The following GMPR variants were observed in gnomAD, a reference collection of about 807,000 sequenced individuals.
GMPR encodes the protein guanosine monophosphate reductase.
In GMPR, 31 loss-of-function variants were observed where a neutral mutation model predicts 38.4. The observed-to-expected ratio is 0.81, with a 90% CI of 0.61 to 1.09. The LOEUF (loss-of-function observed/expected upper bound fraction) is 1.09. Ranked by LOEUF, GMPR falls within the 50% of genes least tolerant of loss-of-function variation. GMPR has a pLI of 0.00. For synonymous variants in GMPR, 162 were observed against 173.3 expected, an observed-to-expected ratio of 0.93 and a Z score of 0.51; for missense variants, 468 against 453.7, an observed-to-expected ratio of 1.03 and a Z score of -0.29.
intron 6 of GMPR, among the ~76,000 whole-genome samples, chr6:16,285,017 CAAAAAAAAAAAAAAACAA>C (rs1759649008): frequency 2.8e-5 from 1 of 35,102 alleles, no homozygotes; most frequent in Non-Finnish European, 5.7e-5. Context: ...GAGACTGTCT[CAAAAAAAAAAAAAAACAA>C]AAAAAAAAAA....
intron 2 of GMPR, among the ~76,000 whole-genome samples, chr6:16,250,017 T>G (rs778097752): frequency 7.9e-5 from 12 of 152,238 alleles, no homozygotes; most frequent in Non-Finnish European, 1.6e-4. Flanking sequence ...GAGAATTCTC[T>G]TTTATCCCTC....
intron 6 of GMPR, 60 bp downstream of exon 6, chr6:16,278,950 C>A: frequency 2.0e-6 from 2 of 1,011,842 alleles, no homozygotes; most frequent in Non-Finnish European, 3.0e-6. Flanking sequence ...TCCCTCGCTG[C>A]TCTTCTTTCA....
chr6:16,251,147 A>C (rs540013318), intron 3 of GMPR, among the ~76,000 whole-genome samples: 3 of 152,254 alleles, frequency 2.0e-5, no homozygotes, highest in Non-Finnish European at 4.4e-5. Flanking sequence ...CCAAATGTCT[A>C]TCAGTGGGTG....
Position 16,293,590 on chromosome 6 carries a change from G to T in GMPR, c.858-1416G>T, listed in dbSNP as rs1320097170. On this transcript the variant is annotated intron_variant, in intron 8 of 8. Transcript: ENST00000259727. ...AGGCAGGTGGATCACCTAAGGCCAG[G>T]AGTTCGAGACCAGCCTGGCCAACAT... 2.0e-5 allele frequency among the ~76,000 whole-genome samples: 3 copies of T among 152,340 alleles called. No homozygotes were observed. The South Asian group carries it at 6.2e-4, about 32-fold the overall frequency.
chr6:16,245,697 T>G (rs1466469270), intron 1 of GMPR, among the ~76,000 whole-genome samples: 1 of 152,122 alleles, frequency 6.6e-6, no homozygotes, highest in African/African-American at 2.4e-5. Flanking sequence ...ACTGAGGATA[T>G]TAAGGCACCC....
chr6:16,290,683 G>A, intron 8 of GMPR, 62 bp downstream of exon 8: 1 of 1,449,024 alleles, frequency 6.9e-7, no homozygotes, highest in Non-Finnish European at 9.7e-7. Context: ...ACGGAGATGG[G>A]ATGGAAGCAG....
At chr6:16,240,028 G>A (rs1758617156) in intron 1 of GMPR, among the ~76,000 whole-genome samples, 1 of 152,192 alleles carries the variant, frequency 6.6e-6, no homozygotes, top group Non-Finnish European at 1.5e-5. Flanking sequence ...CTGGGCCTCT[G>A]GAAGCATGAG....
chr6:16,282,080 A>G (rs940000949), intron 6 of GMPR, among the ~76,000 whole-genome samples: 1 of 152,144 alleles, frequency 6.6e-6, no homozygotes, highest in South Asian at 2.1e-4. Context: ...ACTTGGTCCA[A>G]TTTCCTTCCA....
At chr6:16,255,870 C>G (rs1236056623) in intron 4 of GMPR, among the ~76,000 whole-genome samples, 1 of 152,090 alleles carries the variant, frequency 6.6e-6, no homozygotes, top group African/African-American at 2.4e-5. Flanking sequence ...AAAGGACTTT[C>G]AAGGATTGTT....
chr6:16,277,485 C>T lies in GMPR; in HGVS notation c.548-1299C>T, dbSNP rs527572764. ...TGTCCCCAGAGCGCCCTCTCGTGCA[C>T]ACCACAAGACCTCCGGGAGGGGCTG... On this transcript the variant is annotated intron_variant, in intron 5 of 8. Transcript: ENST00000259727. Among the ~76,000 whole-genome samples the T allele has an allele frequency of 3.3e-5, 5 of 152,298 alleles. No homozygotes were observed. In the South Asian group the frequency reaches 8.3e-4, roughly 25 times the overall value.
chr6:16,254,771 A>C (rs780039491), intron 4 of GMPR, 36 bp downstream of exon 4: 872 of 1,469,994 alleles, frequency 5.9e-4, no homozygotes, highest in Non-Finnish European at 7.5e-4. Flanking sequence ...GAACATTCTC[A>C]AGATGGGGAA....
At chr6:16,290,659 G>A (rs1469243492) in intron 8 of GMPR, 38 bp downstream of exon 8, 1 of 1,587,784 alleles carries the variant, frequency 6.3e-7, no homozygotes, top group Non-Finnish European at 8.6e-7. Context: ...TCGAGGCCTG[G>A]CCTTGCTTTT....
At chr6:16,266,046 A>C (rs575492203) in intron 4 of GMPR, among the ~76,000 whole-genome samples, 1 of 152,164 alleles carries the variant, frequency 6.6e-6, no homozygotes, top group South Asian at 2.1e-4. Flanking sequence ...CAGTGAGACC[A>C]CGAACCCAGT....
intron 4 of GMPR, chr6:16,263,335 T>C (rs1247421428): frequency 2.6e-5 from 4 of 151,930 alleles, no homozygotes; most frequent in African/African-American, 9.7e-5. Flanking sequence ...CTGTCGAGTT[T>C]GTATTGGGGT....
intron 4 of GMPR, among the ~76,000 whole-genome samples, chr6:16,271,461 G>C (rs1429647852): frequency 6.6e-6 from 1 of 152,204 alleles, no homozygotes; most frequent in South Asian, 2.1e-4. Flanking sequence ...ACTCCCGTCT[G>C]GGAGACAAGA....
intron 4 of GMPR, among the ~76,000 whole-genome samples, chr6:16,266,978 A>G (rs879553706): frequency 1.2e-4 from 18 of 150,886 alleles, no homozygotes; most frequent in Non-Finnish European, 1.6e-4. Context: ...CCATGAACCC[A>G]CGAGGAGGAA....
intron 4 of GMPR, among the ~76,000 whole-genome samples, chr6:16,270,174 T>A (rs1759354760): frequency 6.6e-6 from 1 of 152,250 alleles, no homozygotes; most frequent in Non-Finnish European, 1.5e-5. Context: ...ACTTTTTATG[T>A]CTTTTCCATG....
intron 5 of GMPR, among the ~76,000 whole-genome samples, chr6:16,277,384 C>T (rs1206747606): frequency 6.6e-6 from 1 of 152,084 alleles, no homozygotes; most frequent in African/African-American, 2.4e-5. Flanking sequence ...GGCCAGGAGC[C>T]GGAGATTAGG....
Position 16,290,566 on chromosome 6 carries a change from G to T in GMPR, c.802G>T (p.Gly268Trp). The change falls in exon 8 of 9, where the codon GGG becomes TGG. Residue 268 changes from glycine to tryptophan, a missense_variant. Gly to Trp is a radical substitution (Grantham distance 184, BLOSUM62 -2). Transcript: ENST00000259727. ...CGGACGGAAGCTCAAGCTCTTCTAC[G>T]GGATGAGCTCTGACACCGCCATGAA... ...RNGRKLKLFY[G>W]MSSDTAMNKH... 2.5e-6 allele frequency: 4 copies of T among 1,614,012 alleles called. No homozygotes were observed. The highest frequency in any genetic ancestry group is 1.1e-5 in the South Asian group (1 of 91,072).
Sources: allele counts gnomAD v4.1 joint callset (sites outside exome capture counted in the v4.1 genomes callset), GRCh38; gene constraint gnomAD v4.1.1; transcripts MANE v1.5; gene names NCBI Gene and HGNC (gene_info 2026-07-23, HGNC 2026-07-21).